The following ST6GALNAC3 variants were observed in gnomAD, a reference collection of about 807,000 sequenced individuals.
ST6GALNAC3 encodes the protein alpha-N-acetylgalactosaminide alpha-2,6-sialyltransferase 3.
ST6GALNAC3 carries 25 observed loss-of-function variants against 32.7 expected under a neutral mutation model. The ratio of observed to expected loss-of-function variants is 0.76; its 90% CI spans 0.56 to 1.07. The LOEUF (loss-of-function observed/expected upper bound fraction) is 1.07. Among genes scored for constraint, ST6GALNAC3 ranks in the 50% least tolerant of loss-of-function variants. The probability of loss-of-function intolerance (pLI) is 0.00; values close to 1 mark genes in which losing one functional copy is unlikely to be tolerated. For missense variants in ST6GALNAC3, 355 were observed against 382.4 expected, an observed-to-expected ratio of 0.93 and a Z score of 0.60; for synonymous variants, 129 against 133.1, an observed-to-expected ratio of 0.97 and a Z score of 0.21.
At chr1:76,251,437 T>G (rs1196069423) in intron 1 of ST6GALNAC3, among the ~76,000 whole-genome samples, 1 of 152,176 alleles carries the variant, frequency 6.6e-6, no homozygotes, top group Non-Finnish European at 1.5e-5. Flanking sequence ...TTGAGCTGCT[T>G]TTGTAGACCT....
intron 3 of ST6GALNAC3, among the ~76,000 whole-genome samples, chr1:76,525,501 C>T (rs563994844): frequency 2.3e-4 from 35 of 151,604 alleles, no homozygotes; most frequent in African/African-American, 8.2e-4. Flanking sequence ...AGAAGTGAAT[C>T]GATGATATAG....
chr1:76,536,048 TC>T (rs1466304908), intron 3 of ST6GALNAC3, among the ~76,000 whole-genome samples: 1 of 152,140 alleles, frequency 6.6e-6, no homozygotes, highest in Middle Eastern at 3.2e-3. Flanking sequence ...TTATCTGCTA[TC>T]TAAATGTTAA....
rs535202452 is a variant in ST6GALNAC3, at chr1:76,091,134, C to A, written c.18+16250C>A. 6.6e-5 allele frequency among the ~76,000 whole-genome samples: 10 copies of A among 152,330 alleles called. No individual in the cohort carries two copies. In the East Asian group the frequency reaches 1.9e-3, roughly 29 times the overall value. ...CAAGAAGCTGGGCTAGGATCTTGCACTGGCCCCAGACCATATTCTGTTGTG... is the reference window on the plus strand; with the variant it reads ...CAAGAAGCTGGGCTAGGATCTTGCAATGGCCCCAGACCATATTCTGTTGTG... On this transcript the variant is annotated intron_variant, in intron 1 of 4. Coordinates refer to ENST00000328299, the MANE Select transcript of ST6GALNAC3 (RefSeq NM_152996.4).
At chr1:76,093,445 C>A (rs1236600663) in intron 1 of ST6GALNAC3, among the ~76,000 whole-genome samples, 4 of 152,166 alleles carry the variant, frequency 2.6e-5, no homozygotes, top group African/African-American at 7.2e-5. Context: ...ATGGCTAGAG[C>A]CTGAAACTGC....
intron 1 of ST6GALNAC3, among the ~76,000 whole-genome samples, chr1:76,144,779 CTG>C (rs1308855609): frequency 6.6e-6 from 1 of 152,182 alleles, no homozygotes; most frequent in East Asian, 1.9e-4. Flanking sequence ...GTCCTGAAGT[CTG>C]ATAGCTTCTA....
Position 76,627,489 on chromosome 1 carries a change from A to C in ST6GALNAC3, c.661A>C (p.Thr221Pro), listed in dbSNP as rs775927117. 1 of 1,612,572 alleles carries C rather than the reference A, an allele frequency of 6.2e-7. No individual in the cohort carries two copies. Reference sequence around the variant, plus strand: ...CTCATATCTCAGCACAGGGTGGTTTACCTTCCTTCTGGCCATGGACGCCTG... The same window carrying C: ...CTCATATCTCAGCACAGGGTGGTTTCCCTTCCTTCTGGCCATGGACGCCTG... The part of the protein sequence containing the change: ...SGSYLSTGWF[T>P]FLLAMDACYG... The change falls in exon 4 of 5, where the codon ACC (threonine) becomes CCC (proline). Residue 221 changes from threonine to proline, a missense_variant. Coordinates refer to ENST00000328299, the MANE Select transcript of ST6GALNAC3 (RefSeq NM_152996.4).
At chr1:76,559,766 G>C (rs1045456759) in intron 3 of ST6GALNAC3, among the ~76,000 whole-genome samples, 1 of 152,128 alleles carries the variant, frequency 6.6e-6, no homozygotes, top group Non-Finnish European at 1.5e-5. Context: ...CACTGAAGAG[G>C]CAGGAAAAAC....
intron 3 of ST6GALNAC3, among the ~76,000 whole-genome samples, chr1:76,459,033 T>A (rs954223759): frequency 6.6e-6 from 1 of 152,158 alleles, no homozygotes. Context: ...AAACTGACAA[T>A]TCAGGAAGAT....
chr1:76,117,220 C>A (rs183757126), intron 1 of ST6GALNAC3, among the ~76,000 whole-genome samples: 3 of 152,254 alleles, frequency 2.0e-5, no homozygotes, highest in Admixed American at 6.5e-5. Flanking sequence ...GTAAATGGGC[C>A]TTAAAGCTTC....
intron 1 of ST6GALNAC3, among the ~76,000 whole-genome samples, chr1:76,163,566 C>A (rs1275180109): frequency 6.6e-6 from 1 of 152,134 alleles, no homozygotes; most frequent in African/African-American, 2.4e-5. Context: ...GACTCATTTT[C>A]TTTTCTTCAC....
intron 1 of ST6GALNAC3, among the ~76,000 whole-genome samples, chr1:76,290,419 T>C (rs1660017966): frequency 6.6e-6 from 1 of 152,212 alleles, no homozygotes; most frequent in African/African-American, 2.4e-5. Context: ...TGCATGCCCA[T>C]GGAATGAATA....
At chr1:76,582,722 A>T (rs1479195132) in intron 3 of ST6GALNAC3, among the ~76,000 whole-genome samples, 1 of 152,136 alleles carries the variant, frequency 6.6e-6, no homozygotes, top group African/African-American at 2.4e-5. Context: ...CTTTCTTATT[A>T]CCCAGTTTTT....
intron 3 of ST6GALNAC3, among the ~76,000 whole-genome samples, chr1:76,439,612 T>A (rs1656400455): frequency 6.6e-6 from 1 of 152,184 alleles, no homozygotes; most frequent in Non-Finnish European, 1.5e-5. Context: ...AAAGATACAA[T>A]AGCATACACC....
At chr1:76,548,762 A>T (rs570825101) in intron 3 of ST6GALNAC3, among the ~76,000 whole-genome samples, 9 of 152,214 alleles carry the variant, frequency 5.9e-5, no homozygotes, top group African/African-American at 2.2e-4. Flanking sequence ...GCCATGGTAT[A>T]TGCCTCTCCC....
rs1374011398 is a variant in ST6GALNAC3 at position 76,630,763 on chromosome 1, T to C, written c.*1957T>C. 1.0e-6 allele frequency: 1 copy of C among 985,574 alleles called. No individual in the cohort carries two copies. The highest frequency in any genetic ancestry group is 1.2e-6 in the Non-Finnish European group (1 of 829,862). 61.1% of individuals were successfully genotyped at this position (985,574 alleles called of 1,614,324 possible). A position where few individuals can be genotyped will look rare whatever the true frequency, so the allele number is the denominator to read the frequency against. ...CCCCAGTTCTATCGTTGGAAGGAGT[T>C]GTTATTCTTTTGTTGTTCCCTTATG... On this transcript the variant is annotated 3_prime_UTR_variant, in exon 5 of 5. Coordinates refer to ENST00000328299, the MANE Select transcript of ST6GALNAC3 (RefSeq NM_152996.4).
At chr1:76,468,459 G>A (rs1392476116) in intron 3 of ST6GALNAC3, among the ~76,000 whole-genome samples, 1 of 151,956 alleles carries the variant, frequency 6.6e-6, no homozygotes, top group Non-Finnish European at 1.5e-5. Context: ...ATTTTTCTTT[G>A]TGAAGCTCAA....
At chr1:76,333,191 G>A (rs1647232216) in intron 2 of ST6GALNAC3, among the ~76,000 whole-genome samples, 1 of 152,094 alleles carries the variant, frequency 6.6e-6, no homozygotes, top group African/African-American at 2.4e-5. Flanking sequence ...ACAGAGATGT[G>A]GTTCTCCTCA....
At chr1:76,416,862 G>T (rs368801416) in intron 3 of ST6GALNAC3, among the ~76,000 whole-genome samples, 1 of 151,916 alleles carries the variant, frequency 6.6e-6, no homozygotes, top group East Asian at 1.9e-4. Flanking sequence ...TCCTGACCCC[G>T]TGAGCCATCT....
In ST6GALNAC3 at chr1:76,628,613, T is replaced by C. The variant is rs755731498; in HGVS notation, c.732-7T>C. ...TTTCTCTCCTTTTCTTTTTTTTTCT[T>C]TTCTAGGACAGAAGGGTATAGAAAA... On this transcript the variant is annotated splice_region_variant and splice_polypyrimidine_tract_variant and intron_variant, in intron 4 of 4. Coordinates refer to ENST00000328299, the MANE Select transcript of ST6GALNAC3 (RefSeq NM_152996.4). 6.3e-7 allele frequency: 1 copy of C among 1,575,980 alleles called. No homozygotes were observed.
Sources: gnomAD v4.1 joint callset for allele counts (sites outside exome capture counted in the v4.1 genomes callset) on GRCh38, gnomAD v4.1.1 for gene constraint, MANE v1.5 for transcripts, NCBI Gene and HGNC (gene_info 2026-07-23, HGNC 2026-07-21) for gene names.